Variants in MEGF11 observed in about 807,000 individuals in gnomAD.
MEGF11 encodes the protein multiple epidermal growth factor-like domains protein 11.
A neutral mutation model predicts 146.6 loss-of-function variants in MEGF11; 126 were observed. That is an observed-to-expected ratio of 0.86 (90% CI 0.74 to 1.00). The LOEUF (loss-of-function observed/expected upper bound fraction) is 1.00, where lower values mean the gene tolerates loss of function less well. Ranked by LOEUF, MEGF11 falls within the 50% of genes least tolerant of loss-of-function variation. MEGF11 has a pLI of 0.00. For synonymous variants in MEGF11, 532 were observed against 583.4 expected (o/e 0.91, Z 1.27); for missense variants, 1,509 against 1,521.2 (o/e 0.99, Z 0.13).
chr15:66,015,099 T>C (rs2082841855), intron 5 of MEGF11, among the ~76,000 whole-genome samples: 1 of 152,182 alleles, frequency 6.6e-6, no homozygotes, highest in Admixed American at 6.5e-5. Context: ...CACTTGACTC[T>C]CATGAGCTAG....
intron 1 of MEGF11, among the ~76,000 whole-genome samples, chr15:66,157,614 G>C (rs2089809566): frequency 6.6e-6 from 1 of 152,194 alleles, no homozygotes; most frequent in Admixed American, 6.5e-5. Flanking sequence ...TCATTAAGAG[G>C]GGACATTGTT....
chr15:66,191,650 A>T (rs1166603657), intron 1 of MEGF11, among the ~76,000 whole-genome samples: 3 of 152,214 alleles, frequency 2.0e-5, no homozygotes, highest in Non-Finnish European at 4.4e-5. Context: ...ACCTGGTATC[A>T]CAGCGGCCTC....
At chr15:66,222,047 T>A (rs550644632) in intron 1 of MEGF11, among the ~76,000 whole-genome samples, 2 of 152,256 alleles carry the variant, frequency 1.3e-5, no homozygotes, top group Non-Finnish European at 1.5e-5. Context: ...CTTCCCAAGA[T>A]GAAATTATTT....
At chr15:66,069,342 C>A (rs79744500) in intron 5 of MEGF11, among the ~76,000 whole-genome samples, 1 of 152,158 alleles carries the variant, frequency 6.6e-6, no homozygotes, top group Non-Finnish European at 1.5e-5. Flanking sequence ...GGTGCCCGTA[C>A]CTGCCATGAA....
At chr15:66,040,533 G>C (rs1424024387) in intron 5 of MEGF11, among the ~76,000 whole-genome samples, 2 of 151,210 alleles carry the variant, frequency 1.3e-5, no homozygotes, top group Non-Finnish European at 2.9e-5. Context: ...CTGTCCTTCA[G>C]GTAGGGCCCC....
intron 9 of MEGF11, among the ~76,000 whole-genome samples, chr15:65,962,011 T>C (rs909111156): frequency 6.6e-6 from 1 of 152,220 alleles, no homozygotes; most frequent in Non-Finnish European, 1.5e-5. Context: ...GTATATCTTA[T>C]GTGCATATAT....
chr15:65,950,093 C>T (rs1264539920), intron 10 of MEGF11, among the ~76,000 whole-genome samples: 1 of 152,216 alleles, frequency 6.6e-6, no homozygotes, highest in African/African-American at 2.4e-5. Context: ...CAGTCATCCT[C>T]TTCAAGTGAG....
intron 24 of MEGF11, among the ~76,000 whole-genome samples, chr15:65,900,849 T>C (rs570761196): frequency 1.7e-3 from 256 of 152,272 alleles, no homozygotes; most frequent in African/African-American, 6.0e-3. Flanking sequence ...GGAGAAAACA[T>C]CCTTGCGAGA....
At chr15:66,150,823 CGA>C (rs66595752) in intron 1 of MEGF11, among the ~76,000 whole-genome samples, 7,638 of 103,642 alleles carry the variant, frequency 0.074, 328 homozygotes, top group Middle Eastern at 0.1. Flanking sequence ...AATGCCCTGT[CGA>C]GAGAGAGAGA....
At chr15:65,930,748 A>AC in intron 11 of MEGF11, 75 bp downstream of exon 11, 1 of 1,471,602 alleles carries the variant, frequency 6.8e-7, no homozygotes, top group Admixed American at 2.1e-5. Flanking sequence ...CCCACCTGAG[A>AC]CCCCTCAGCT....
At chr15:66,156,462 G>A (rs1436824933) in intron 1 of MEGF11, among the ~76,000 whole-genome samples, 1 of 151,968 alleles carries the variant, frequency 6.6e-6, no homozygotes, top group African/African-American at 2.4e-5. Context: ...CACCTTGCAC[G>A]TCCCAGGCCT....
intron 7 of MEGF11, among the ~76,000 whole-genome samples, chr15:65,980,226 C>T (rs1043804138): frequency 1.3e-5 from 2 of 152,174 alleles, no homozygotes; most frequent in African/African-American, 4.8e-5. Flanking sequence ...TCTTTGCACA[C>T]GAGAGACCAC....
At chr15:66,115,824 C>T (rs777008777) in intron 4 of MEGF11, among the ~76,000 whole-genome samples, 4 of 152,198 alleles carry the variant, frequency 2.6e-5, no homozygotes, top group African/African-American at 7.2e-5. Flanking sequence ...AGAGTCCTGC[C>T]GTTGCAGCCA....
chr15:66,219,885 C>T (rs2091688337), intron 1 of MEGF11, among the ~76,000 whole-genome samples: 2 of 152,150 alleles, frequency 1.3e-5, no homozygotes, highest in Non-Finnish European at 2.9e-5. Context: ...GTTAAACAAG[C>T]TGTGGTACAT....
At chr15:66,130,423 C>T (rs569211416) in intron 1 of MEGF11, among the ~76,000 whole-genome samples, 80 of 152,190 alleles carry the variant, frequency 5.3e-4, no homozygotes, top group Admixed American at 1.0e-3. Flanking sequence ...AGCATTCTCC[C>T]GAGAGAACCT....
intron 1 of MEGF11, among the ~76,000 whole-genome samples, chr15:66,157,138 G>T (rs1000879472): frequency 6.6e-6 from 1 of 152,166 alleles, no homozygotes; most frequent in African/African-American, 2.4e-5. Context: ...CGTGCCAGCA[G>T]CTAACAGCTC....
chr15:66,140,120 C>A (rs1158433454), intron 1 of MEGF11, among the ~76,000 whole-genome samples: 2 of 152,172 alleles, frequency 1.3e-5, no homozygotes, highest in Non-Finnish European at 2.9e-5. Flanking sequence ...CTTCTGATAA[C>A]TTATTCAGCT....
intron 3 of MEGF11, among the ~76,000 whole-genome samples, chr15:66,121,969 T>A (rs546077097): frequency 3.0e-4 from 45 of 152,230 alleles, no homozygotes; most frequent in Middle Eastern, 6.8e-3. Flanking sequence ...ACTAGGCATA[T>A]AAAGAAACAC....
chr15:65,952,296 A>G (rs8032767), intron 10 of MEGF11, among the ~76,000 whole-genome samples: 15,634 of 152,114 alleles, frequency 0.1, 937 homozygotes, highest in Middle Eastern at 0.18. Context: ...GGCATATTAC[A>G]AAGGCCTGGG....
Sources: allele counts gnomAD v4.1 joint callset (sites outside exome capture counted in the v4.1 genomes callset), GRCh38; gene constraint gnomAD v4.1.1; transcripts MANE v1.5; gene names NCBI Gene and HGNC (gene_info 2026-07-23, HGNC 2026-07-21).